CUEDC1: variants seen among roughly 807,000 people sequenced by gnomAD.
CUEDC1 encodes CUE domain-containing protein 1.
In CUEDC1, 30 loss-of-function variants were observed where a neutral mutation model predicts 43.7. The observed-to-expected ratio is 0.69, with a 90% CI of 0.51 to 0.93. The LOEUF is 0.93. CUEDC1 is among the 40% of genes least tolerant of loss of function. The probability of loss-of-function intolerance (pLI) is 0.00; values close to 1 mark genes in which losing one functional copy is unlikely to be tolerated. For missense variants in CUEDC1, 486 were observed against 549.0 expected (o/e 0.89, Z 1.15); for synonymous variants, 223 against 223.6 (o/e 1.00, Z 0.02).
intron 1 of CUEDC1, among the ~76,000 whole-genome samples, chr17:57,935,651 G>C (rs970176923): frequency 5.9e-5 from 9 of 152,010 alleles, no homozygotes; most frequent in Non-Finnish European, 1.2e-4. Context: ...CTTCCACAGG[G>C]AACAAAACAA....
intron 1 of CUEDC1, among the ~76,000 whole-genome samples, chr17:57,905,457 G>A (rs2074521332): frequency 6.6e-6 from 1 of 152,192 alleles, no homozygotes; most frequent in Admixed American, 6.5e-5. Context: ...GGGGTGGCAA[G>A]CAACTTGGGA....
chr17:57,937,921 A>C (rs2074877861), intron 1 of CUEDC1, among the ~76,000 whole-genome samples: 1 of 152,164 alleles, frequency 6.6e-6, no homozygotes, highest in Non-Finnish European at 1.5e-5. Flanking sequence ...AAAACTAAAA[A>C]ATAAATCTAA....
intron 1 of CUEDC1, among the ~76,000 whole-genome samples, chr17:57,934,559 TAAAAAAAAAAA>T (rs575832390): frequency 0.15 from 9,753 of 65,616 alleles, 1,031 homozygotes; most frequent in African/African-American, 0.35. Flanking sequence ...CCTGTCTCTC[TAAAAAAAAAAA>T]AAAAAAAAAA....
intron 1 of CUEDC1, among the ~76,000 whole-genome samples, chr17:57,902,186 C>A (rs1213762969): frequency 6.7e-6 from 1 of 148,678 alleles, no homozygotes; most frequent in Non-Finnish European, 1.5e-5. Context: ...AGCGAGACTC[C>A]ACCTCAGAAA....
rs1280600863 is a variant in CUEDC1, at chr17:57,861,808, C to A, written c.*1481G>T. The A allele has an allele frequency of 6.6e-6, 1 of 151,416 alleles. No individual in the cohort carries two copies. The highest frequency in any genetic ancestry group is 6.6e-5 in the Admixed American group (1 of 15,234). The allele number at this position is 151,416 out of a possible 1,614,324, so 9.4% of individuals were successfully genotyped here. ...TACCGAGGCACTCCTCGGAGACCCC[C>A]CCCCCTCCCTCCAGGGCCCCAGGCC... On this transcript the variant is annotated 3_prime_UTR_variant, in exon 11 of 11. Coordinates refer to ENST00000577830, the MANE Select transcript of CUEDC1 (RefSeq NM_001271875.2).
At chr17:57,941,165 C>T (rs1481374778) in intron 1 of CUEDC1, among the ~76,000 whole-genome samples, 2 of 152,242 alleles carry the variant, frequency 1.3e-5, no homozygotes, top group Non-Finnish European at 2.9e-5. Context: ...GCAAAAGACA[C>T]CACTCATCTT....
At chr17:57,936,400 A>G (rs2074862338) in intron 1 of CUEDC1, among the ~76,000 whole-genome samples, 1 of 152,132 alleles carries the variant, frequency 6.6e-6, no homozygotes, top group Non-Finnish European at 1.5e-5. Flanking sequence ...TTAACTCTCC[A>G]GGCTCCACAG....
At chr17:57,946,414 G>A (rs777738492) in intron 1 of CUEDC1, among the ~76,000 whole-genome samples, 1 of 152,202 alleles carries the variant, frequency 6.6e-6, no homozygotes. Context: ...TGATTTTCTA[G>A]GGTAATGATG....
At chr17:57,927,989 T>C (rs1270809829) in intron 1 of CUEDC1, among the ~76,000 whole-genome samples, 1 of 152,216 alleles carries the variant, frequency 6.6e-6, no homozygotes, top group Non-Finnish European at 1.5e-5. Context: ...CCTGGCACCC[T>C]GACTCCAAAG....
intron 2 of CUEDC1, among the ~76,000 whole-genome samples, chr17:57,883,860 C>A (rs1183110046): frequency 3.3e-5 from 5 of 152,146 alleles, no homozygotes; most frequent in African/African-American, 1.2e-4. Context: ...GGCTGCATGT[C>A]CCAGATGGCC....
intron 1 of CUEDC1, among the ~76,000 whole-genome samples, chr17:57,899,286 C>T (rs1597994492): frequency 6.6e-6 from 1 of 152,204 alleles, no homozygotes; most frequent in African/African-American, 2.4e-5. Flanking sequence ...TCCCTCCACC[C>T]GGCCTCAGCC....
At chr17:57,936,251 A>G (rs2074860899) in intron 1 of CUEDC1, among the ~76,000 whole-genome samples, 1 of 152,204 alleles carries the variant, frequency 6.6e-6, no homozygotes, top group Admixed American at 6.5e-5. Flanking sequence ...TGAGTGCACA[A>G]GCCTGGCCAG....
intron 1 of CUEDC1, among the ~76,000 whole-genome samples, chr17:57,924,298 GTT>G (rs1302837426): frequency 6.6e-6 from 1 of 152,142 alleles, no homozygotes; most frequent in Non-Finnish European, 1.5e-5. Flanking sequence ...TAGAGACAGG[GTT>G]TCACCATGTT....
At position 57,913,238 on chromosome 17, in the gene CUEDC1, G is replaced by A. The variant is rs1370050219; in HGVS notation, c.-315-27359C>T. On this transcript the variant is annotated intron_variant, in intron 1 of 10. Transcript: ENST00000577830. Reference sequence around the variant, plus strand: ...AACTACTTGGGAGGCTGAGGCAGGAGAATCGCTTGAATCCCAGAGGCGGAG... The same window carrying A: ...AACTACTTGGGAGGCTGAGGCAGGAAAATCGCTTGAATCCCAGAGGCGGAG... Among the ~76,000 whole-genome samples the A allele has an allele frequency of 2.0e-5, 3 of 151,698 alleles. No homozygotes were observed. In the South Asian group the frequency reaches 6.2e-4, roughly 32 times the overall value.
At chr17:57,939,099 C>T (rs1337326066) in intron 1 of CUEDC1, among the ~76,000 whole-genome samples, 1 of 150,776 alleles carries the variant, frequency 6.6e-6, no homozygotes, top group African/African-American at 2.4e-5. Flanking sequence ...TCCAGAGTAG[C>T]TGGGACTACA....
At chr17:57,876,445 C>T (rs1464591114) in intron 3 of CUEDC1, among the ~76,000 whole-genome samples, 1 of 152,196 alleles carries the variant, frequency 6.6e-6, no homozygotes, top group Non-Finnish European at 1.5e-5. Flanking sequence ...GCCTTCCCTG[C>T]CCCCGTGTCT....
At chr17:57,947,252 G>C (rs2585833) in intron 1 of CUEDC1, among the ~76,000 whole-genome samples, 8 of 151,800 alleles carry the variant, frequency 5.3e-5, no homozygotes, top group Admixed American at 3.3e-4. Flanking sequence ...TCTTGCCGTC[G>C]TGTTTGCTGC....
At chr17:57,906,379 T>G (rs2074529957) in intron 1 of CUEDC1, among the ~76,000 whole-genome samples, 1 of 152,240 alleles carries the variant, frequency 6.6e-6, no homozygotes, top group Non-Finnish European at 1.5e-5. Context: ...ATTGTATAAT[T>G]CCACTTATAT....
chr17:57,876,593 T>C (rs1317828795), intron 3 of CUEDC1, among the ~76,000 whole-genome samples: 1 of 152,204 alleles, frequency 6.6e-6, no homozygotes, highest in Non-Finnish European at 1.5e-5. Context: ...CACCTCATCA[T>C]ACACATGGCT....
Sources: gnomAD v4.1 joint callset for allele counts (sites outside exome capture counted in the v4.1 genomes callset) on GRCh38, gnomAD v4.1.1 for gene constraint, MANE v1.5 for transcripts, NCBI Gene and HGNC (gene_info 2026-07-23, HGNC 2026-07-21) for gene names.